PPP4R3B: variants seen among roughly 807,000 people sequenced by gnomAD.
PPP4R3B encodes protein phosphatase 4 regulatory subunit 3B.
A neutral mutation model predicts 95.4 loss-of-function variants in PPP4R3B; 52 were observed. That is an observed-to-expected ratio of 0.54 (90% confidence interval 0.44 to 0.69). The LOEUF is 0.69. PPP4R3B is among the 30% of genes least tolerant of loss of function. The probability of loss-of-function intolerance (pLI) is 0.00; values close to 1 mark genes in which losing one functional copy is unlikely to be tolerated. For synonymous variants in PPP4R3B, 407 were observed against 343.9 expected (o/e 1.18, Z -2.03); for missense variants, 1,003 against 1,005.9 (o/e 1.00, Z 0.04).
At position 55,568,363 on chromosome 2, in the gene PPP4R3B, C is replaced by A; in HGVS notation, c.1766G>T (p.Cys589Phe). 1 of 1,587,930 alleles carries A rather than the reference C, an allele frequency of 6.3e-7. No individual in the cohort carries two copies. ...MNSKHTFLAL[C>F]ALRFMRRIIG... is the part of the protein sequence containing the mutation. ...TATCCGCCTCATAAAGCGAAGGGCA[C>A]CTAATTAAAAATAATATAGGGAATA... The change falls in exon 13 of 17, where the codon TGT becomes TTT. Residue 589 changes from cysteine to phenylalanine, a missense_variant and splice_region_variant. Physicochemically the swap from Cys to Phe is radical, Grantham distance 205. This residue lies in a region of PPP4R3B where 79 missense variants were observed against 124.9 expected (regional missense o/e 0.63). Coordinates refer to ENST00000616407, the MANE Select transcript of PPP4R3B (RefSeq NM_001122964.3).
chr2:55,550,128 A>G (rs935267954), intron 16 of PPP4R3B, 122 bp from the exon 17 acceptor site: 28 of 682,242 alleles, frequency 4.1e-5, no homozygotes, highest in Non-Finnish European at 6.6e-5. Context: ...AGAAATTAAC[A>G]TTTGAATTTG....
At chr2:55,567,796 T>C (rs1230449562) in intron 13 of PPP4R3B, among the ~76,000 whole-genome samples, 1 of 152,130 alleles carries the variant, frequency 6.6e-6, no homozygotes, top group East Asian at 1.9e-4. Flanking sequence ...TCCTAAAAGA[T>C]CACGTGAATA....
intron 2 of PPP4R3B, among the ~76,000 whole-genome samples, chr2:55,609,821 C>T (rs1272354499): frequency 2.0e-5 from 3 of 151,836 alleles, no homozygotes; most frequent in Non-Finnish European, 1.5e-5. Flanking sequence ...AAAATACATA[C>T]AATTGTATGC....
At chr2:55,605,512 G>A (rs987123034) in intron 2 of PPP4R3B, among the ~76,000 whole-genome samples, 4 of 152,140 alleles carry the variant, frequency 2.6e-5, no homozygotes, top group Non-Finnish European at 4.4e-5. Context: ...GGTAAAAATA[G>A]CTAGAAATCT....
chr2:55,577,207 T>C, intron 11 of PPP4R3B, 108 bp downstream of exon 11: 1 of 1,356,012 alleles, frequency 7.4e-7, no homozygotes, highest in South Asian at 1.7e-5. Context: ...TTGGATTTTG[T>C]TTTTATGCCA....
chr2:55,570,553 T>C (rs1687874270), intron 12 of PPP4R3B, among the ~76,000 whole-genome samples: 2 of 152,244 alleles, frequency 1.3e-5, no homozygotes, highest in African/African-American at 4.8e-5. Flanking sequence ...CCTTTATTTT[T>C]ATATGTTGAT....
rs767457293 is a variant in PPP4R3B, at chr2:55,598,762, T to C, written c.575A>G (p.His192Arg). 4.3e-6 allele frequency: 7 copies of C among 1,614,106 alleles called. No homozygotes were observed. The highest frequency in any genetic ancestry group is 2.2e-5 in the East Asian group (1 of 44,888). ...TCCTCTAATAATTTCATACAAATGG[T>C]GTAAGCCTTCAGTGTTTTCTAGGTT... ...CENLENTEGL[H>R]HLYEIIRGIL... The change falls in exon 4 of 17, where the codon CAC (histidine) becomes CGC (arginine). Residue 192 changes from histidine to arginine, a missense_variant. His to Arg is a conservative substitution (Grantham distance 29). Coordinates refer to ENST00000616407, the MANE Select transcript of PPP4R3B (RefSeq NM_001122964.3).
chr2:55,582,112 C>G (rs1689523785), intron 7 of PPP4R3B, among the ~76,000 whole-genome samples: 1 of 152,018 alleles, frequency 6.6e-6, no homozygotes, highest in South Asian at 2.1e-4. Flanking sequence ...TTATCTCAGC[C>G]TCTAACTAGT....
rs1690214605 is a variant in PPP4R3B, at chr2:55,586,873, T to C, written c.1000-139A>G. ...AGTATGCTGGCTCCTCAAAACTACA[T>C]TAAAAACAAATTAAAAACTAGCACC... On this transcript the variant is annotated intron_variant, in intron 5 of 16. Coordinates refer to ENST00000616407, the MANE Select transcript of PPP4R3B (RefSeq NM_001122964.3). The C allele has an allele frequency of 8.0e-6, 4 of 498,844 alleles. No homozygotes were observed. In the East Asian group the frequency reaches 1.2e-4, roughly 15 times the overall value. The allele number at this position is 498,844 out of a possible 1,614,324, so 30.9% of individuals were successfully genotyped here.
chr2:55,584,667 C>T (rs1368090160), intron 7 of PPP4R3B, among the ~76,000 whole-genome samples: 2 of 152,180 alleles, frequency 1.3e-5, no homozygotes, highest in Non-Finnish European at 2.9e-5. Context: ...CATTATTAAA[C>T]TTTCATTCCT....
intron 2 of PPP4R3B, among the ~76,000 whole-genome samples, chr2:55,606,586 C>T (rs1693429507): frequency 6.6e-6 from 1 of 151,874 alleles, no homozygotes; most frequent in African/African-American, 2.4e-5. Flanking sequence ...CTTTGGGAGG[C>T]CGAGGCGGGC....
intron 7 of PPP4R3B, among the ~76,000 whole-genome samples, chr2:55,583,004 T>A (rs1689637407): frequency 6.6e-6 from 1 of 152,086 alleles, no homozygotes; most frequent in Non-Finnish European, 1.5e-5. Context: ...CAGTAAAAAA[T>A]GTTAATATTT....
At chr2:55,580,476 A>C (rs1311447338) in intron 8 of PPP4R3B, among the ~76,000 whole-genome samples, 2 of 152,172 alleles carry the variant, frequency 1.3e-5, no homozygotes. Flanking sequence ...GAAGAATAAA[A>C]ATGTTTAGAA....
chr2:55,581,290 G>C (rs1019582572), intron 8 of PPP4R3B, among the ~76,000 whole-genome samples: 2 of 152,124 alleles, frequency 1.3e-5, no homozygotes, highest in Non-Finnish European at 2.9e-5. Flanking sequence ...TAAGTGTACA[G>C]TTTAGTAGTG....
At chr2:55,596,978 T>A (rs967821366) in intron 4 of PPP4R3B, among the ~76,000 whole-genome samples, 14 of 151,728 alleles carry the variant, frequency 9.2e-5, no homozygotes, top group Non-Finnish European at 1.8e-4. Flanking sequence ...ATAATAATAA[T>A]AAAAAATAGC....
At chr2:55,574,478 G>A (rs1253859511) in intron 11 of PPP4R3B, among the ~76,000 whole-genome samples, 6 of 151,718 alleles carry the variant, frequency 4.0e-5, no homozygotes, top group African/African-American at 1.2e-4. Flanking sequence ...AAAACTTTTT[G>A]CCTAAAGTGG....
At chr2:55,595,452 C>A (rs116423153) in intron 4 of PPP4R3B, among the ~76,000 whole-genome samples, 5,679 of 151,844 alleles carry the variant, frequency 0.037, 144 homozygotes, top group South Asian at 0.091. Context: ...ACAGTGAGAT[C>A]CTGTCTCTAT....
chr2:55,582,470 T>C (rs1181442017), intron 7 of PPP4R3B, among the ~76,000 whole-genome samples: 1 of 152,218 alleles, frequency 6.6e-6, no homozygotes, highest in Admixed American at 6.5e-5. Context: ...GGCATCTCTA[T>C]TTTCTGATTG....
intron 15 of PPP4R3B, 98 bp downstream of exon 15, chr2:55,564,215 C>T: frequency 8.9e-7 from 1 of 1,119,876 alleles, no homozygotes; most frequent in African/African-American, 1.6e-5. Context: ...TTTTGTCTTT[C>T]TTGCTTTGTA....
Sources: gnomAD v4.1 joint callset for allele counts (sites outside exome capture counted in the v4.1 genomes callset) on GRCh38, gnomAD v4.1.1 for gene constraint, gnomAD v4.1.1 regional missense constraint, MANE v1.5 for transcripts, NCBI Gene and HGNC (gene_info 2026-07-23, HGNC 2026-07-21) for gene names.